MTMR1: variants seen among roughly 807,000 people sequenced by gnomAD.
The protein encoded by MTMR1 is myotubularin related protein 1.
In MTMR1, 17 loss-of-function variants were observed where a neutral mutation model predicts 51.6. That is an observed-to-expected ratio of 0.33 (90% confidence interval 0.23 to 0.49). The LOEUF (loss-of-function observed/expected upper bound fraction) is 0.49. Among genes scored for constraint, MTMR1 ranks in the 20% least tolerant of loss-of-function variants. The pLI is 0.99. For missense variants in MTMR1, 386 were observed against 526.9 expected (o/e 0.73, Z 2.62); for synonymous variants, 201 against 205.6 (o/e 0.98, Z 0.19).
intron 14 of MTMR1, among the ~76,000 whole-genome samples, chrX:150,754,894 G>A (rs1297047836): frequency 8.2e-5 from 9 of 110,040 alleles, no homozygotes; most frequent in African/African-American, 2.7e-4. Flanking sequence ...GCATGGTGGC[G>A]TGCGCCTGTA....
chrX:150,741,304 C>T (rs1453566352), intron 12 of MTMR1, among the ~76,000 whole-genome samples: 1 of 112,307 alleles, frequency 8.9e-6, no homozygotes, highest in African/African-American at 3.2e-5. Flanking sequence ...TAAGCCTCAG[C>T]TGTGCCCAGC....
At position 150,693,626 on chromosome X, in the gene MTMR1, G is replaced by C. The variant is rs1172733146; in HGVS notation, c.96G>C (p.Ala32=). 2.6e-6 allele frequency: 2 copies of C among 756,842 alleles called. No homozygotes were observed. The highest frequency in any genetic ancestry group is 3.1e-6 in the Non-Finnish European group (2 of 641,676). 62.4% of individuals were successfully genotyped at this position (756,842 alleles called of 1,213,427 possible). The change falls in exon 1 of 16, where the codon GCG becomes GCC. Residue 32 remains alanine, a synonymous_variant. Transcript: ENST00000445323. ...GCGGCAGGAGGCCTCCTCGGGCCGC[G>C]GGGGGCGCCACCGCCGGCTCCCGGC... is the stretch of plus-strand genomic sequence containing the variant. ...PAGGRRPPRA[A]GGATAGSRQP...
At chrX:150,728,453 C>T (rs1418965925) in intron 6 of MTMR1, among the ~76,000 whole-genome samples, 1 of 111,770 alleles carries the variant, frequency 8.9e-6, no homozygotes, top group East Asian at 2.8e-4. Flanking sequence ...AGACTACGTT[C>T]AGAACAATGT....
chrX:150,729,410 A>G (rs1219988308), intron 6 of MTMR1, among the ~76,000 whole-genome samples: 1 of 111,998 alleles, frequency 8.9e-6, no homozygotes, highest in Non-Finnish European at 1.9e-5. Flanking sequence ...CTCTTTTACT[A>G]AGATATTTTT....
chrX:150,718,593 T>C, intron 3 of MTMR1, 32 bp from the exon 4 acceptor site: 1 of 252,380 alleles, frequency 4.0e-6, no homozygotes, highest in Non-Finnish European at 5.5e-6. Flanking sequence ...CCTTTTTTTT[T>C]TTTTTTTTTT....
At position 150,759,505 on chromosome X, in the gene MTMR1, A is replaced by G. The variant is rs781902403; in HGVS notation, c.1858-3060A>G. 1.4e-3 allele frequency among the ~76,000 whole-genome samples: 141 copies of G among 99,132 alleles called. 2 individuals are homozygous for G. The highest frequency in any genetic ancestry group is 4.6e-3 in the African/African-American group (135 of 29,589). 86.1% of individuals were successfully genotyped at this position (99,132 alleles called of 115,157 possible). A position where few individuals can be genotyped will look rare whatever the true frequency, so the allele number is the denominator to read the frequency against. ...CAGAGCCTCTCGATTACTGCAGGAG[A>G]CCCCCGTACCCCTGCCACGCTCCCC... On this transcript the variant is annotated intron_variant, in intron 15 of 15. Transcript: ENST00000445323.
chrX:150,708,469 T>C (rs915502379), intron 2 of MTMR1, among the ~76,000 whole-genome samples: 8 of 111,450 alleles, frequency 7.2e-5, no homozygotes, highest in Non-Finnish European at 1.5e-4. Flanking sequence ...AACTGAAATA[T>C]ATAGTTATAT....
At chrX:150,750,944 C>A in intron 14 of MTMR1, 101 bp downstream of exon 14, 1 of 1,030,867 alleles carries the variant, frequency 9.7e-7, no homozygotes, top group Non-Finnish European at 1.3e-6. Flanking sequence ...GGACTGCGCT[C>A]TGGTGCTATT....
At chrX:150,718,890 T>C (rs2041653227) in intron 4 of MTMR1, among the ~76,000 whole-genome samples, 190 bp downstream of exon 4, 1 of 110,464 alleles carries the variant, frequency 9.1e-6, no homozygotes, top group Non-Finnish European at 1.9e-5. Flanking sequence ...AGGATCCCGT[T>C]AAGTTCCAAT....
intron 12 of MTMR1, among the ~76,000 whole-genome samples, chrX:150,741,736 C>A (rs2042429393): frequency 8.9e-6 from 1 of 112,605 alleles, no homozygotes; most frequent in African/African-American, 3.2e-5. Context: ...CTTGCACACG[C>A]CATAGGAGTT....
intron 15 of MTMR1, among the ~76,000 whole-genome samples, chrX:150,762,316 C>T (rs1603277712): frequency 8.9e-6 from 1 of 112,205 alleles, no homozygotes; most frequent in East Asian, 2.8e-4. Context: ...GGAGCCTCCC[C>T]ATGGTGCCTT....
intron 10 of MTMR1, 79 bp downstream of exon 10, chrX:150,732,809 C>T: frequency 1.1e-6 from 1 of 935,820 alleles, no homozygotes; most frequent in South Asian, 2.6e-5. Flanking sequence ...TGGAATAACT[C>T]ATTGATTTCC....
rs1302729159 is a variant in MTMR1, at chrX:150,765,076, T to TAA, written c.*2348_*2349dup. 9.0e-6 allele frequency: 1 copy of TAA among 111,088 alleles called. No homozygotes were observed. The highest frequency in any genetic ancestry group is 3.3e-5 in the African/African-American group (1 of 30,750). The allele number at this position is 111,088 out of a possible 1,213,427, so 9.2% of individuals were successfully genotyped here. ...GTAAAGTAACTAACTTTATGTGATTTAATTCATTCAGTAAATTGTAAATGT... is the reference window on the plus strand; with the variant it reads ...GTAAAGTAACTAACTTTATGTGATTTAAAATTCATTCAGTAAATTGTAAATGT... On this transcript the variant is annotated 3_prime_UTR_variant, in exon 16 of 16. Transcript: ENST00000445323.
chrX:150,696,181 G>A (rs183452342), intron 1 of MTMR1, among the ~76,000 whole-genome samples: 1 of 111,425 alleles, frequency 9.0e-6, no homozygotes, highest in Non-Finnish European at 1.9e-5. Flanking sequence ...GGAGCCTCCA[G>A]CCTGTAAGTA....
intron 14 of MTMR1, among the ~76,000 whole-genome samples, chrX:150,753,347 C>T (rs936914224): frequency 8.9e-6 from 1 of 112,085 alleles, no homozygotes; most frequent in East Asian, 2.8e-4. Context: ...TTTATACCTA[C>T]GAGTGGAATT....
chrX:150,709,902 A>T (rs111451006), intron 2 of MTMR1, among the ~76,000 whole-genome samples: 1,854 of 112,506 alleles, frequency 0.016, 49 homozygotes, highest in African/African-American at 0.057. Context: ...CGTCCAAACT[A>T]TATCAGGGTT....
intron 12 of MTMR1, among the ~76,000 whole-genome samples, chrX:150,737,963 A>G (rs1407621837): frequency 3.6e-5 from 4 of 111,406 alleles, no homozygotes; most frequent in Non-Finnish European, 7.5e-5. Context: ...GCTACTGAGT[A>G]GGCTGAGGCA....
chrX:150,722,307 T>TAG (rs2041776631), intron 4 of MTMR1, among the ~76,000 whole-genome samples: 1 of 112,002 alleles, frequency 8.9e-6, no homozygotes, highest in Non-Finnish European at 1.9e-5. Context: ...CTACCAATTG[T>TAG]AGAGAGAGAG....
At chrX:150,722,016 G>A (rs1282212714) in intron 4 of MTMR1, among the ~76,000 whole-genome samples, 1 of 111,684 alleles carries the variant, frequency 9.0e-6, no homozygotes, top group Non-Finnish European at 1.9e-5. Context: ...GAGTTATTTA[G>A]GAGTGTGTCG....
Sources: gnomAD v4.1 joint callset for allele counts (sites outside exome capture counted in the v4.1 genomes callset) on GRCh38, gnomAD v4.1.1 for gene constraint, MANE v1.5 for transcripts, NCBI Gene and HGNC (gene_info 2026-07-23, HGNC 2026-07-21) for gene names.